EXOC4: variants seen among roughly 807,000 people sequenced by gnomAD.
The protein encoded by EXOC4 is SEC8-like 1.
A neutral mutation model predicts 107.2 loss-of-function variants in EXOC4; 71 were observed. That is an observed-to-expected ratio of 0.66 (90% CI 0.55 to 0.81). The LOEUF (loss-of-function observed/expected upper bound fraction) is 0.81. Among genes scored for constraint, EXOC4 ranks in the 30% least tolerant of loss-of-function variants. The probability of loss-of-function intolerance (pLI) is 0.00; values close to 1 mark genes in which losing one functional copy is unlikely to be tolerated. For missense variants in EXOC4, 1,108 were observed against 1,189.6 expected (o/e 0.93, Z 1.01); for synonymous variants, 456 against 441.2 (o/e 1.03, Z -0.42).
At chr7:133,305,279 A>G (rs1280475595) in intron 3 of EXOC4, among the ~76,000 whole-genome samples, 1 of 152,152 alleles carries the variant, frequency 6.6e-6, no homozygotes, top group Non-Finnish European at 1.5e-5. Flanking sequence ...CACCATTCAT[A>G]TCCCGTTTCT....
chr7:134,055,680 T>C (rs1258050438), intron 17 of EXOC4, among the ~76,000 whole-genome samples: 1 of 152,206 alleles, frequency 6.6e-6, no homozygotes, highest in Non-Finnish European at 1.5e-5. Flanking sequence ...TTTTATCCCT[T>C]GTCCAGGGCA....
At chr7:133,423,416 A>G (rs1441525956) in intron 7 of EXOC4, among the ~76,000 whole-genome samples, 5 of 152,164 alleles carry the variant, frequency 3.3e-5, no homozygotes, top group African/African-American at 1.2e-4. Flanking sequence ...TAGGTAAGCA[A>G]TATGTACGCC....
chr7:133,764,252 G>A (rs546440691), intron 10 of EXOC4, among the ~76,000 whole-genome samples: 1 of 152,080 alleles, frequency 6.6e-6, no homozygotes, highest in African/African-American at 2.4e-5. Flanking sequence ...GTTGTCACTA[G>A]GATTGGCAAA....
At chr7:133,836,027 A>G (rs1429587299) in intron 11 of EXOC4, among the ~76,000 whole-genome samples, 1 of 152,192 alleles carries the variant, frequency 6.6e-6, no homozygotes, top group Non-Finnish European at 1.5e-5. Flanking sequence ...TTCTATGCTT[A>G]TTTCAATTCT....
intron 14 of EXOC4, among the ~76,000 whole-genome samples, chr7:133,960,879 A>G (rs901835347): frequency 6.6e-6 from 1 of 152,202 alleles, no homozygotes; most frequent in Non-Finnish European, 1.5e-5. Flanking sequence ...GATACACAAG[A>G]TGCTATACTG....
At chr7:133,356,841 A>G (rs1796032078) in intron 6 of EXOC4, among the ~76,000 whole-genome samples, 1 of 152,162 alleles carries the variant, frequency 6.6e-6, no homozygotes, top group Non-Finnish European at 1.5e-5. Context: ...TTAGCTGGGC[A>G]TGGTAGTGCA....
chr7:133,639,283 T>G (rs1802789015), intron 10 of EXOC4, among the ~76,000 whole-genome samples: 1 of 152,178 alleles, frequency 6.6e-6, no homozygotes, highest in South Asian at 2.1e-4. Context: ...ACACCCCCTC[T>G]TTCCGATTTG....
chr7:133,655,867 G>A (rs1803280164), intron 10 of EXOC4, among the ~76,000 whole-genome samples: 1 of 152,196 alleles, frequency 6.6e-6, no homozygotes, highest in South Asian at 2.1e-4. Context: ...ACGTAAACCA[G>A]TGACATTGTT....
intron 9 of EXOC4, among the ~76,000 whole-genome samples, chr7:133,629,289 G>T (rs1383835869): frequency 6.6e-6 from 1 of 152,082 alleles, no homozygotes; most frequent in African/African-American, 2.4e-5. Context: ...AGTGTGATCA[G>T]TTAGGCTTAT....
At chr7:133,640,869 T>C (rs1802837518) in intron 10 of EXOC4, among the ~76,000 whole-genome samples, 1 of 104,362 alleles carries the variant, frequency 9.6e-6, no homozygotes, top group African/African-American at 3.8e-5. Context: ...TCTCTCTCTC[T>C]CTCTTTTTTT....
chr7:134,047,515 A>AC (rs973344970), intron 17 of EXOC4, among the ~76,000 whole-genome samples: 3 of 152,116 alleles, frequency 2.0e-5, no homozygotes, highest in Middle Eastern at 3.4e-3. Context: ...CACTCCAGAC[A>AC]CCCCCCAAAG....
intron 14 of EXOC4, among the ~76,000 whole-genome samples, chr7:133,963,084 G>A (rs908199420): frequency 6.6e-6 from 1 of 152,240 alleles, no homozygotes; most frequent in African/African-American, 2.4e-5. Context: ...CCGAGCAAAG[G>A]AAGGGAGTAC....
At chr7:133,605,232 G>T (rs1318692348) in intron 9 of EXOC4, among the ~76,000 whole-genome samples, 1 of 152,140 alleles carries the variant, frequency 6.6e-6, no homozygotes, top group African/African-American at 2.4e-5. Context: ...AGGTGCTTGA[G>T]ATACAAGAGC....
At chr7:133,345,135 A>C (rs960542166) in intron 5 of EXOC4, among the ~76,000 whole-genome samples, 8 of 151,986 alleles carry the variant, frequency 5.3e-5, no homozygotes, top group Admixed American at 1.3e-4. Flanking sequence ...ATTTTTAACT[A>C]TTTTTCTTCA....
At chr7:133,832,101 T>C (rs1797823154) in intron 11 of EXOC4, among the ~76,000 whole-genome samples, 1 of 152,202 alleles carries the variant, frequency 6.6e-6, no homozygotes, top group Non-Finnish European at 1.5e-5. Flanking sequence ...ACCCATACCC[T>C]TGTGGGAAAC....
chr7:133,650,885 G>T (rs1803127474), intron 10 of EXOC4, among the ~76,000 whole-genome samples: 1 of 137,118 alleles, frequency 7.3e-6, no homozygotes, highest in African/African-American at 2.7e-5. Context: ...GAGAGAAGCT[G>T]TTCATTTAGG....
chr7:133,339,414 T>G (rs1196611978), intron 5 of EXOC4, among the ~76,000 whole-genome samples: 2 of 152,236 alleles, frequency 1.3e-5, no homozygotes, highest in African/African-American at 2.4e-5. Flanking sequence ...ACTATGGCTT[T>G]ACAGTATAGT....
intron 17 of EXOC4, among the ~76,000 whole-genome samples, chr7:134,051,999 G>A (rs201493474): frequency 3.3e-5 from 5 of 150,846 alleles, no homozygotes; most frequent in Non-Finnish European, 5.9e-5. Context: ...AAAAAAGAAA[G>A]AAAAAAAAAT....
At chr7:133,307,022 C>A (rs1794767956) in intron 4 of EXOC4, among the ~76,000 whole-genome samples, 1 of 152,128 alleles carries the variant, frequency 6.6e-6, no homozygotes, top group East Asian at 1.9e-4. Flanking sequence ...TTAGAATAGA[C>A]AGATCTTTTC....
Sources: gnomAD v4.1 joint callset for allele counts (sites outside exome capture counted in the v4.1 genomes callset) on GRCh38, gnomAD v4.1.1 for gene constraint, MANE v1.5 for transcripts, NCBI Gene and HGNC (gene_info 2026-07-23, HGNC 2026-07-21) for gene names.